SIK2: variants seen among roughly 807,000 people sequenced by gnomAD.
The protein encoded by SIK2 is serine/threonine-protein kinase SIK2.
Under a neutral mutation model 103.2 loss-of-function variants are expected in SIK2, and 29 were observed. That is an observed-to-expected ratio of 0.28 (90% confidence interval 0.21 to 0.38). The LOEUF (loss-of-function observed/expected upper bound fraction) is 0.38. Ranked by LOEUF, SIK2 falls within the 10% of genes least tolerant of loss-of-function variation. The probability of loss-of-function intolerance (pLI) is 1.00; values close to 1 mark genes in which losing one functional copy is unlikely to be tolerated. For synonymous variants in SIK2, 412 were observed against 446.1 expected (o/e 0.92, Z 0.96); for missense variants, 879 against 1,171.0 (o/e 0.75, Z 3.64).
intron 1 of SIK2, among the ~76,000 whole-genome samples, chr11:111,604,142 G>A (rs1484018169): frequency 6.6e-6 from 1 of 152,242 alleles, no homozygotes; most frequent in African/African-American, 2.4e-5. Context: ...ATGATAACTT[G>A]ACTATAGTGA....
At chr11:111,710,478 CAAATATA>C (rs1352911547) in intron 8 of SIK2, among the ~76,000 whole-genome samples, 1 of 152,150 alleles carries the variant, frequency 6.6e-6, no homozygotes, top group Non-Finnish European at 1.5e-5. Flanking sequence ...AGAGTATATT[CAAATATA>C]AAATATATTT....
chr11:111,641,814 G>A (rs989498717), intron 3 of SIK2, among the ~76,000 whole-genome samples: 5 of 152,102 alleles, frequency 3.3e-5, no homozygotes, highest in Admixed American at 3.3e-4. Flanking sequence ...TACCGTATGA[G>A]AGACAATGGG....
In SIK2 at chr11:111,626,922, AT is replaced by A. The variant is rs1941968894; in HGVS notation, c.316+6525del. Among the ~76,000 whole-genome samples, 2 of 152,074 alleles carry A rather than the reference AT, an allele frequency of 1.3e-5. 1 individual carries two copies. The highest frequency in any genetic ancestry group is 1.3e-4 in the Admixed American group (2 of 15,244). ...AATGTTACACAGCAACCCTGTTTTAATTTTTCCATGTGGTCAGTTAAAAGAG... is the reference window on the plus strand; with the variant it reads ...AATGTTACACAGCAACCCTGTTTTAATTTTCCATGTGGTCAGTTAAAAGAG... On this transcript the variant is annotated intron_variant, in intron 3 of 14. Coordinates refer to ENST00000304987, the MANE Select transcript of SIK2 (RefSeq NM_015191.3).
At chr11:111,699,050 G>A (rs950525134) in intron 4 of SIK2, among the ~76,000 whole-genome samples, 13 of 152,176 alleles carry the variant, frequency 8.5e-5, no homozygotes, top group African/African-American at 3.1e-4. Flanking sequence ...GTGTCCATAT[G>A]AGATATGATG....
chr11:111,611,265 A>G (rs544113375), intron 1 of SIK2, among the ~76,000 whole-genome samples: 30 of 151,156 alleles, frequency 2.0e-4, no homozygotes, highest in Admixed American at 4.0e-4. Context: ...AAAAAAAACT[A>G]CACATAAATC....
chr11:111,696,892 C>A lies in SIK2; in HGVS notation c.479-3994C>A, dbSNP rs888689629. 2.6e-5 allele frequency among the ~76,000 whole-genome samples: 4 copies of A among 152,294 alleles called. No individual in the cohort carries two copies. The South Asian group carries it at 6.2e-4, about 24-fold the overall frequency. ...CCTGCATTTTCACATTTCATTCCCCCCCTACTCACCTCCCACTTCACTATA... is the reference window on the plus strand; with the variant it reads ...CCTGCATTTTCACATTTCATTCCCCACCTACTCACCTCCCACTTCACTATA... On this transcript the variant is annotated intron_variant, in intron 4 of 14. Coordinates refer to ENST00000304987, the MANE Select transcript of SIK2 (RefSeq NM_015191.3).
chr11:111,635,538 C>T (rs1193112564), intron 3 of SIK2, among the ~76,000 whole-genome samples: 1 of 151,582 alleles, frequency 6.6e-6, no homozygotes, highest in Non-Finnish European at 1.5e-5. Flanking sequence ...TAGTGGAGTT[C>T]ACAGTCAACT....
At chr11:111,616,094 T>C in intron 1 of SIK2, 149 bp from the exon 2 acceptor site, 1 of 593,942 alleles carries the variant, frequency 1.7e-6, no homozygotes, top group South Asian at 2.2e-5. Flanking sequence ...AAGAAATATT[T>C]GTTGAATGAA....
intron 3 of SIK2, among the ~76,000 whole-genome samples, chr11:111,660,292 G>T (rs896326745): frequency 1.3e-5 from 2 of 152,140 alleles, no homozygotes; most frequent in Non-Finnish European, 2.9e-5. Flanking sequence ...GAAGGGAATG[G>T]CAGTCTACTG....
chr11:111,641,364 C>G (rs924047474), intron 3 of SIK2, among the ~76,000 whole-genome samples: 7 of 152,138 alleles, frequency 4.6e-5, no homozygotes, highest in African/African-American at 1.7e-4. Context: ...TTACCTTCTT[C>G]TCCTCCTAAA....
intron 4 of SIK2, among the ~76,000 whole-genome samples, chr11:111,691,840 C>G (rs1461894021): frequency 6.6e-6 from 1 of 152,178 alleles, no homozygotes; most frequent in Non-Finnish European, 1.5e-5. Flanking sequence ...AAAACAGCAG[C>G]AGTGACAAAA....
chr11:111,644,486 C>A (rs1440026054), intron 3 of SIK2, among the ~76,000 whole-genome samples: 1 of 151,772 alleles, frequency 6.6e-6, no homozygotes, highest in Admixed American at 6.6e-5. Context: ...GTGACTGCAT[C>A]CCACCTTTCA....
At chr11:111,635,422 AG>A (rs1349110781) in intron 3 of SIK2, among the ~76,000 whole-genome samples, 1 of 93,124 alleles carries the variant, frequency 1.1e-5, no homozygotes, top group South Asian at 4.5e-4. Flanking sequence ...GGAGGGAGGG[AG>A]GGGGGAGGAA....
Position 111,724,040 on chromosome 11 carries a change from C to A in SIK2, c.2692C>A (p.Leu898Ile), listed in dbSNP as rs1565400502. The change falls in exon 15 of 15, where the codon CTA becomes ATA. Residue 898 changes from leucine to isoleucine, a missense_variant. Coordinates refer to ENST00000304987, the MANE Select transcript of SIK2 (RefSeq NM_015191.3). The part of the protein sequence containing the change: ...LQEAPSSYDP[L>I]ALSELPGLFD... ...AGAGGCCCCCTCCAGCTACGACCCA[C>A]TAGCCCTCTCTGAGCTACCTGGACT... 3 of 1,614,182 alleles carry A rather than the reference C, an allele frequency of 1.9e-6. No individual in the cohort carries two copies. Among genetic ancestry groups the A allele is most frequent in the Middle Eastern group, 1.6e-4 (1 of 6,062 alleles).
chr11:111,612,915 G>GATATATATATATATATATATATAT (rs67675103), intron 1 of SIK2, among the ~76,000 whole-genome samples: 55 of 49,900 alleles, frequency 1.1e-3, no homozygotes, highest in Middle Eastern at 0.01. Context: ...ATAGCAATGG[G>GATATATATATATATATATATATAT]ATATATATAT....
At chr11:111,638,792 C>A (rs79436323) in intron 3 of SIK2, among the ~76,000 whole-genome samples, 2,020 of 152,106 alleles carry the variant, frequency 0.013, 52 homozygotes, top group African/African-American at 0.046. Flanking sequence ...TCTATAAATT[C>A]TAGGTCTATT....
At chr11:111,657,110 A>G (rs1175563590) in intron 3 of SIK2, among the ~76,000 whole-genome samples, 1 of 152,216 alleles carries the variant, frequency 6.6e-6, no homozygotes, top group Non-Finnish European at 1.5e-5. Flanking sequence ...TTTACATAAC[A>G]AAGCTTAAAG....
chr11:111,654,875 TGAG>T (rs1258171615), intron 3 of SIK2, among the ~76,000 whole-genome samples: 1 of 152,226 alleles, frequency 6.6e-6, no homozygotes, highest in African/African-American at 2.4e-5. Context: ...ATGTTTTAAA[TGAG>T]GTGAAATTTT....
chr11:111,692,473 C>CTGAG (rs545257533), intron 4 of SIK2, among the ~76,000 whole-genome samples: 151 of 146,618 alleles, frequency 1.0e-3, no homozygotes, highest in African/African-American at 3.6e-3. Context: ...CATGCAAAGG[C>CTGAG]TGAGAGGCCA....
Sources: gnomAD v4.1 joint callset for allele counts (sites outside exome capture counted in the v4.1 genomes callset) on GRCh38, gnomAD v4.1.1 for gene constraint, MANE v1.5 for transcripts, NCBI Gene and HGNC (gene_info 2026-07-23, HGNC 2026-07-21) for gene names.